The following FNIP1 variants were observed in gnomAD, a reference collection of about 807,000 sequenced individuals.
The protein encoded by FNIP1 is folliculin-interacting protein 1.
A neutral mutation model predicts 124.5 loss-of-function variants in FNIP1; 40 were observed. The ratio of observed to expected loss-of-function variants is 0.32; its 90% CI spans 0.25 to 0.42. The LOEUF (loss-of-function observed/expected upper bound fraction) is 0.42. Among genes scored for constraint, FNIP1 ranks in the 10% least tolerant of loss-of-function variants. The probability of loss-of-function intolerance (pLI) is 1.00; values close to 1 mark genes in which losing one functional copy is unlikely to be tolerated. For synonymous variants in FNIP1, 472 were observed against 470.6 expected (o/e 1.00, Z -0.04); for missense variants, 1,176 against 1,403.7 (o/e 0.84, Z 2.59).
chr5:131,678,473 T>G (rs1275038910), intron 12 of FNIP1, among the ~76,000 whole-genome samples: 1 of 152,170 alleles, frequency 6.6e-6, no homozygotes, highest in East Asian at 1.9e-4. Context: ...AGTGGCGCAA[T>G]CTCCACTTAC....
At chr5:131,722,819 G>A (rs1453230997) in intron 3 of FNIP1, among the ~76,000 whole-genome samples, 1 of 152,146 alleles carries the variant, frequency 6.6e-6, no homozygotes, top group African/African-American at 2.4e-5. Context: ...CCGAGTAGCT[G>A]GCAATACAGG....
chr5:131,655,328 G>GTAAGAAAAAAC (rs1418386450), intron 15 of FNIP1, among the ~76,000 whole-genome samples: 3 of 152,204 alleles, frequency 2.0e-5, no homozygotes, highest in African/African-American at 7.2e-5. Context: ...GAGCAACATA[G>GTAAGAAAAAAC]TAAGACCCAT....
intron 15 of FNIP1, among the ~76,000 whole-genome samples, chr5:131,654,577 T>C (rs1767135907): frequency 6.6e-6 from 1 of 152,090 alleles, no homozygotes; most frequent in South Asian, 2.1e-4. Context: ...TCAAAATAAA[T>C]ACATCTAGCT....
At position 131,644,655 on chromosome 5, in the gene FNIP1, C is replaced by T. The variant is rs773827143; in HGVS notation, c.*30G>A. On this transcript the variant is annotated 3_prime_UTR_variant, in exon 18 of 18. Transcript: ENST00000510461. The stretch of plus-strand genomic sequence containing the variant: ...TGCTTCCTTGGTTTCTACCTATTTT[C>T]CCACCAATTTCTAACAATTTTTAGG... 3 of 1,591,504 alleles carry T rather than the reference C, an allele frequency of 1.9e-6. No individual in the cohort carries two copies. Among genetic ancestry groups the T allele is most frequent in the Middle Eastern group, 1.7e-4 (1 of 6,040 alleles).
intron 1 of FNIP1, among the ~76,000 whole-genome samples, chr5:131,751,390 G>C (rs1047059309): frequency 6.6e-6 from 1 of 151,796 alleles, no homozygotes; most frequent in African/African-American, 2.4e-5. Context: ...AGATTGTCTT[G>C]TAATTTATCT....
intron 2 of FNIP1, among the ~76,000 whole-genome samples, chr5:131,734,964 T>C (rs1412880165): frequency 2.0e-5 from 3 of 152,206 alleles, no homozygotes; most frequent in Non-Finnish European, 2.9e-5. Flanking sequence ...ACTGGGTATA[T>C]ACCCAAAGGA....
At chr5:131,760,831 T>C (rs967893074) in intron 1 of FNIP1, among the ~76,000 whole-genome samples, 3 of 135,428 alleles carry the variant, frequency 2.2e-5, no homozygotes, top group African/African-American at 8.5e-5. Context: ...CACCAAGCAG[T>C]GAAAAACATT....
chr5:131,690,064 C>CA (rs57504961), intron 11 of FNIP1, among the ~76,000 whole-genome samples: 9 of 150,310 alleles, frequency 6.0e-5, no homozygotes, highest in Non-Finnish European at 1.2e-4. Context: ...ACTAAAAATA[C>CA]AAAAAAAAAT....
At chr5:131,681,144 T>C (rs1436752398) in intron 11 of FNIP1, among the ~76,000 whole-genome samples, 1 of 152,196 alleles carries the variant, frequency 6.6e-6, no homozygotes, top group Non-Finnish European at 1.5e-5. Context: ...CCCCGAGGAA[T>C]GACCTTTTCC....
chr5:131,694,419 C>T lies in FNIP1; in HGVS notation c.1202+4498G>A, dbSNP rs1768619173. 3.3e-5 allele frequency among the ~76,000 whole-genome samples: 5 copies of T among 152,070 alleles called. No homozygotes were observed. In the South Asian group the frequency reaches 1.0e-3, roughly 32 times the overall value. On this transcript the variant is annotated intron_variant, in intron 11 of 17. Transcript: ENST00000510461. ...AAAGAAATGAGCTATTAGGTAAAAA[C>T]AACAGCAACACCACCACCACCACCA...
intron 8 of FNIP1, among the ~76,000 whole-genome samples, chr5:131,707,411 C>A (rs888348981): frequency 6.6e-6 from 1 of 152,160 alleles, no homozygotes; most frequent in African/African-American, 2.4e-5. Context: ...ATTATCATCA[C>A]TATTAAAAAG....
chr5:131,752,197 C>T (rs950506644), intron 1 of FNIP1, among the ~76,000 whole-genome samples: 1 of 152,068 alleles, frequency 6.6e-6, no homozygotes, highest in Non-Finnish European at 1.5e-5. Context: ...GTGCCAGCCA[C>T]CACGTCCGGC....
At chr5:131,722,453 A>C (rs1303119531) in intron 3 of FNIP1, among the ~76,000 whole-genome samples, 1 of 152,208 alleles carries the variant, frequency 6.6e-6, no homozygotes, top group Non-Finnish European at 1.5e-5. Flanking sequence ...GGAAAATTCT[A>C]ATAACCATAA....
At chr5:131,796,051 A>G (rs560107100) in intron 1 of FNIP1, 1 of 152,362 alleles carries the variant, frequency 6.6e-6, no homozygotes, top group South Asian at 2.1e-4. Context: ...AGCAACAGGT[A>G]CTACAATGAA....
At chr5:131,791,052 C>G (rs1416054480) in intron 1 of FNIP1, among the ~76,000 whole-genome samples, 1 of 152,132 alleles carries the variant, frequency 6.6e-6, no homozygotes, top group African/African-American at 2.4e-5. Context: ...TTAAAACACA[C>G]TAAAATCCAA....
At chr5:131,732,707 C>T (rs1470492713) in intron 2 of FNIP1, among the ~76,000 whole-genome samples, 1 of 152,162 alleles carries the variant, frequency 6.6e-6, no homozygotes, top group East Asian at 1.9e-4. Flanking sequence ...TTGGTACCAG[C>T]ACCATGCTGT....
intron 3 of FNIP1, among the ~76,000 whole-genome samples, chr5:131,725,912 G>A (rs896997041): frequency 6.6e-6 from 1 of 152,168 alleles, no homozygotes; most frequent in African/African-American, 2.4e-5. Flanking sequence ...ATGATAGGGT[G>A]TTGAATTTTA....
At chr5:131,656,240 G>A (rs1350139480) in intron 15 of FNIP1, among the ~76,000 whole-genome samples, 1 of 152,176 alleles carries the variant, frequency 6.6e-6, no homozygotes, top group Non-Finnish European at 1.5e-5. Flanking sequence ...GAGAAGTTAA[G>A]ATATTACAAG....
chr5:131,730,036 C>T (rs996882829), intron 3 of FNIP1, among the ~76,000 whole-genome samples: 7 of 152,136 alleles, frequency 4.6e-5, no homozygotes, highest in Admixed American at 2.0e-4. Context: ...CCACCATGCC[C>T]GGCCCACATG....
Sources: allele counts gnomAD v4.1 joint callset (sites outside exome capture counted in the v4.1 genomes callset), GRCh38; gene constraint gnomAD v4.1.1; transcripts MANE v1.5; gene names NCBI Gene and HGNC (gene_info 2026-07-23, HGNC 2026-07-21).